The following SNX6 variants were observed in gnomAD, a reference collection of about 807,000 sequenced individuals.
SNX6 encodes the protein sorting nexin 6.
A neutral mutation model predicts 63.0 loss-of-function variants in SNX6; 34 were observed. That is an observed-to-expected ratio of 0.54 (90% CI 0.41 to 0.72). The LOEUF (loss-of-function observed/expected upper bound fraction) is 0.72. Ranked by LOEUF, SNX6 falls within the 30% of genes least tolerant of loss-of-function variation. The pLI, the probability that SNX6 is intolerant of heterozygous loss-of-function variation, is 0.00. For synonymous variants in SNX6, 170 were observed against 164.2 expected (o/e 1.04, Z -0.27); for missense variants, 398 against 471.4 (o/e 0.84, Z 1.44).
At chr14:34,573,279 A>G (rs1434135536) in intron 11 of SNX6, among the ~76,000 whole-genome samples, 1 of 152,130 alleles carries the variant, frequency 6.6e-6, no homozygotes, top group Admixed American at 6.6e-5. Context: ...TACCCAGCCA[A>G]AAAAACTTTT....
chr14:34,589,444 C>G (rs886949905), intron 8 of SNX6, among the ~76,000 whole-genome samples: 4 of 152,104 alleles, frequency 2.6e-5, no homozygotes, highest in African/African-American at 4.8e-5. Flanking sequence ...GAATGAGACT[C>G]TGTCTCACAA....
chr14:34,586,143 C>T, intron 9 of SNX6, 87 bp downstream of exon 9: 1 of 679,486 alleles, frequency 1.5e-6, no homozygotes, highest in Non-Finnish European at 2.5e-6. Flanking sequence ...CCTCTTAATC[C>T]ACCCACCTTC....
chr14:34,624,687 T>G (rs1412739940), intron 2 of SNX6, among the ~76,000 whole-genome samples: 1 of 151,372 alleles, frequency 6.6e-6, no homozygotes. Context: ...TCCCAGCTAC[T>G]CAGGAGGCTG....
chr14:34,573,728 C>G (rs936968773), intron 11 of SNX6, among the ~76,000 whole-genome samples: 2 of 151,880 alleles, frequency 1.3e-5, no homozygotes, highest in Non-Finnish European at 2.9e-5. Flanking sequence ...TACCTACCTC[C>G]CTCTCCTGGG....
intron 11 of SNX6, 42 bp downstream of exon 11, chr14:34,575,714 G>T: frequency 1.9e-6 from 2 of 1,064,498 alleles, no homozygotes; most frequent in Non-Finnish European, 1.4e-6. Context: ...TCAAGAAATG[G>T]CTGTTTGTAA....
intron 9 of SNX6, among the ~76,000 whole-genome samples, chr14:34,581,824 CATTTG>C (rs764861948): frequency 1.3e-4 from 20 of 151,770 alleles, no homozygotes; most frequent in Non-Finnish European, 2.1e-4. Context: ...ACTATCTGTT[CATTTG>C]ATTTTTGTTT....
intron 11 of SNX6, among the ~76,000 whole-genome samples, chr14:34,569,720 A>G (rs543644418): frequency 2.6e-5 from 4 of 152,314 alleles, no homozygotes; most frequent in South Asian, 2.1e-4. Context: ...TTGTAGCACA[A>G]ATCAATATTT....
intron 11 of SNX6, among the ~76,000 whole-genome samples, chr14:34,570,966 G>A (rs1038046322): frequency 6.9e-6 from 1 of 144,564 alleles, no homozygotes; most frequent in African/African-American, 2.6e-5. Flanking sequence ...CTCGTGATCC[G>A]GCCCCCTTGG....
intron 7 of SNX6, among the ~76,000 whole-genome samples, chr14:34,596,149 G>A (rs779325627): frequency 6.6e-6 from 1 of 151,814 alleles, no homozygotes; most frequent in Non-Finnish European, 1.5e-5. Flanking sequence ...CCCAGGAGGC[G>A]GAGTTTGCAG....
chr14:34,586,671 G>A (rs1308189746), intron 8 of SNX6, among the ~76,000 whole-genome samples: 1 of 151,786 alleles, frequency 6.6e-6, no homozygotes, highest in Admixed American at 6.6e-5. Context: ...TCACGCCACC[G>A]CACTCCAGCC....
rs1883152803 is a variant in SNX6, at chr14:34,609,728, A to G, written c.69T>C (p.Asn23=). 1 of 1,609,066 alleles carries G rather than the reference A, an allele frequency of 6.2e-7. No individual in the cohort carries two copies. Among genetic ancestry groups the G allele is most frequent in the African/African-American group, 1.3e-5 (1 of 74,794 alleles). The change falls in exon 3 of 14, where the codon AAT becomes AAC. Residue 23 remains asparagine, a synonymous_variant. Transcript: ENST00000362031. ...GAGCAGCATCACTTTGAAGATCTAC[A>G]TTTATTGCTTTAAGCTAGAAAAAGA... ...SEEDRGLKAI[N]VDLQSDAALQ...
At chr14:34,574,619 CAAAAAA>C (rs33959613) in intron 11 of SNX6, among the ~76,000 whole-genome samples, 1 of 79,422 alleles carries the variant, frequency 1.3e-5, no homozygotes, top group Non-Finnish European at 2.5e-5. Context: ...GACTCCATCT[CAAAAAA>C]AAAAAAAAAA....
intron 2 of SNX6, 145 bp from the exon 3 acceptor site, chr14:34,609,887 A>G (rs1883159860): frequency 1.7e-6 from 1 of 578,180 alleles, no homozygotes; most frequent in Non-Finnish European, 3.1e-6. Flanking sequence ...CATACATACT[A>G]TATACATTTT....
intron 2 of SNX6, among the ~76,000 whole-genome samples, chr14:34,615,653 G>C (rs1883391305): frequency 6.6e-6 from 1 of 151,020 alleles, no homozygotes; most frequent in Non-Finnish European, 1.5e-5. Flanking sequence ...TCGCTGTGTT[G>C]CCCAGGCTGG....
chr14:34,579,321 C>T (rs1177633653), intron 10 of SNX6, among the ~76,000 whole-genome samples: 1 of 151,928 alleles, frequency 6.6e-6, no homozygotes, highest in African/African-American at 2.4e-5. Context: ...TACTATACCG[C>T]AAGAAGAATA....
At chr14:34,628,570 A>C (rs533224639) in intron 2 of SNX6, among the ~76,000 whole-genome samples, 1 of 152,238 alleles carries the variant, frequency 6.6e-6, no homozygotes, top group Non-Finnish European at 1.5e-5. Flanking sequence ...TCAAGGCTGC[A>C]GTGAGCTATA....
At chr14:34,595,173 C>T (rs148226002) in intron 7 of SNX6, among the ~76,000 whole-genome samples, 45 of 152,226 alleles carry the variant, frequency 3.0e-4, no homozygotes, top group Non-Finnish European at 4.4e-4. Flanking sequence ...CTCTCTCTTT[C>T]GCCCAAGCTG....
intron 3 of SNX6, among the ~76,000 whole-genome samples, chr14:34,608,981 A>G (rs1385855422): frequency 6.6e-6 from 1 of 152,122 alleles, no homozygotes; most frequent in East Asian, 1.9e-4. Flanking sequence ...TGAGTGAGCC[A>G]GGATCATGCC....
intron 2 of SNX6, among the ~76,000 whole-genome samples, chr14:34,622,612 C>T (rs1324004724): frequency 2.0e-5 from 3 of 151,654 alleles, no homozygotes; most frequent in African/African-American, 7.3e-5. Flanking sequence ...CTTCCCACTG[C>T]CTGGAGTCTT....
Sources: allele counts gnomAD v4.1 joint callset (sites outside exome capture counted in the v4.1 genomes callset), GRCh38; gene constraint gnomAD v4.1.1; transcripts MANE v1.5; gene names NCBI Gene and HGNC (gene_info 2026-07-23, HGNC 2026-07-21).